RSRC1: variants seen among roughly 807,000 people sequenced by gnomAD.
RSRC1 encodes arginine and serine rich coiled-coil 1.
In RSRC1, 39 loss-of-function variants were observed where a neutral mutation model predicts 49.1. That is an observed-to-expected ratio of 0.79 (90% CI 0.61 to 1.04). The LOEUF (loss-of-function observed/expected upper bound fraction) is 1.04. Among genes scored for constraint, RSRC1 ranks in the 50% least tolerant of loss-of-function variants. The pLI is 0.00. For synonymous variants in RSRC1, 143 were observed against 130.8 expected (o/e 1.09, Z -0.63); for missense variants, 388 against 402.4 (o/e 0.96, Z 0.31).
At chr3:158,432,039 C>T (rs1019740133) in intron 6 of RSRC1, among the ~76,000 whole-genome samples, 4 of 151,858 alleles carry the variant, frequency 2.6e-5, no homozygotes, top group African/African-American at 9.7e-5. Context: ...GGTGAGTTGG[C>T]TAGATGAATT....
intron 7 of RSRC1, among the ~76,000 whole-genome samples, chr3:158,490,007 A>C (rs1455426718): frequency 2.6e-5 from 4 of 152,208 alleles, no homozygotes; most frequent in African/African-American, 9.6e-5. Flanking sequence ...GTATAACTGA[A>C]CTGGTTACAA....
intron 4 of RSRC1, among the ~76,000 whole-genome samples, chr3:158,260,966 A>C (rs1724861264): frequency 6.6e-6 from 1 of 152,178 alleles, no homozygotes; most frequent in Non-Finnish European, 1.5e-5. Context: ...TAGGTGATTC[A>C]AGATGATTTT....
chr3:158,356,294 A>G (rs1247164299), intron 6 of RSRC1, among the ~76,000 whole-genome samples: 1 of 152,206 alleles, frequency 6.6e-6, no homozygotes, highest in East Asian at 1.9e-4. Context: ...TATTTTTAGG[A>G]TTCATTGATC....
At chr3:158,164,115 A>G (rs1170557774) in intron 3 of RSRC1, among the ~76,000 whole-genome samples, 1 of 152,152 alleles carries the variant, frequency 6.6e-6, no homozygotes, top group East Asian at 1.9e-4. Flanking sequence ...TCTGTGAAGA[A>G]ACTTTCTTCT....
rs887197357 is a variant in RSRC1 at position 158,521,457 on chromosome 3, A to G, written c.653-15635A>G. ...ATTTTTCATTTGTCCAAGTTTTTCA[A>G]TGTTGCAGGGCCCTGTTTTCTTCTA... On this transcript the variant is annotated intron_variant, in intron 7 of 9. Transcript: ENST00000611884. 7.9e-5 allele frequency among the ~76,000 whole-genome samples: 12 copies of G among 152,116 alleles called. No homozygotes were observed. The East Asian group carries it at 2.1e-3, about 27-fold the overall frequency.
In RSRC1 at chr3:158,337,819, A is replaced by G. The variant is rs146674955; in HGVS notation, c.532-17038A>G. On this transcript the variant is annotated intron_variant, in intron 5 of 9. Transcript: ENST00000611884. ...AAAATCTTACCTTCCTTATACCCTC[A>G]TGAACCACTTCTCTCCAAAAATCTG... is the stretch of plus-strand genomic sequence containing the variant. Among the ~76,000 whole-genome samples, 266 of 152,294 alleles carry G rather than the reference A, an allele frequency of 1.7e-3. 1 individual carries two copies. Among genetic ancestry groups the G allele is most frequent in the Admixed American group, 3.4e-3 (52 of 15,294 alleles).
chr3:158,149,076 G>A (rs576751655), intron 3 of RSRC1, among the ~76,000 whole-genome samples: 12 of 152,240 alleles, frequency 7.9e-5, no homozygotes, highest in Non-Finnish European at 1.8e-4. Context: ...GAGCCACTGC[G>A]CCCAGTCACA....
At chr3:158,492,506 A>G (rs868509952) in intron 7 of RSRC1, among the ~76,000 whole-genome samples, 27 of 152,202 alleles carry the variant, frequency 1.8e-4, no homozygotes, top group African/African-American at 6.0e-4. Flanking sequence ...GATATAGGAA[A>G]TTGTTCTAAA....
At chr3:158,234,190 T>A (rs1723114441) in intron 4 of RSRC1, among the ~76,000 whole-genome samples, 1 of 152,198 alleles carries the variant, frequency 6.6e-6, no homozygotes, top group Admixed American at 6.5e-5. Context: ...GTATTGCAGC[T>A]GAAGCAGTTG....
chr3:158,269,912 C>T (rs1029555377), intron 4 of RSRC1, among the ~76,000 whole-genome samples: 2 of 152,030 alleles, frequency 1.3e-5, no homozygotes, highest in Non-Finnish European at 1.5e-5. Flanking sequence ...TTCTTGGCTT[C>T]TAATGTAATT....
At chr3:158,304,030 G>A (rs1727713024) in intron 5 of RSRC1, among the ~76,000 whole-genome samples, 1 of 152,142 alleles carries the variant, frequency 6.6e-6, no homozygotes, top group Non-Finnish European at 1.5e-5. Flanking sequence ...GAACTCTGGA[G>A]CCATACCTGT....
chr3:158,131,948 T>G (rs1269737227), intron 3 of RSRC1: 1 of 197,678 alleles, frequency 5.1e-6, no homozygotes, highest in African/African-American at 2.3e-5. Context: ...AAGGCCAGCA[T>G]AAATGCTATT....
chr3:158,132,829 T>A (rs1716130073), intron 3 of RSRC1, among the ~76,000 whole-genome samples: 1 of 152,240 alleles, frequency 6.6e-6, no homozygotes, highest in African/African-American at 2.4e-5. Context: ...TTTGTAATCC[T>A]TCAATTTGTC....
intron 4 of RSRC1, among the ~76,000 whole-genome samples, chr3:158,237,609 A>C (rs1723313598): frequency 6.6e-6 from 1 of 152,146 alleles, no homozygotes; most frequent in Admixed American, 6.5e-5. Flanking sequence ...CAATGTGCTC[A>C]TTGGCCATTT....
At chr3:158,403,050 C>T (rs957732533) in intron 6 of RSRC1, among the ~76,000 whole-genome samples, 1 of 151,684 alleles carries the variant, frequency 6.6e-6, no homozygotes, top group African/African-American at 2.4e-5. Context: ...TGAATAAAAC[C>T]CTCAGTTACT....
chr3:158,123,024 G>T (rs1415533221), intron 2 of RSRC1, among the ~76,000 whole-genome samples: 2 of 152,150 alleles, frequency 1.3e-5, no homozygotes, highest in African/African-American at 4.8e-5. Flanking sequence ...ATTGTGAACA[G>T]TGCTGCAACG....
intron 3 of RSRC1, among the ~76,000 whole-genome samples, chr3:158,198,022 C>A (rs1720749644): frequency 6.6e-6 from 1 of 152,088 alleles, no homozygotes; most frequent in Non-Finnish European, 1.5e-5. Flanking sequence ...TGGTGCAGAG[C>A]TGAGTTCAAT....
intron 6 of RSRC1, among the ~76,000 whole-genome samples, chr3:158,450,519 C>T (rs1169393972): frequency 2.0e-5 from 3 of 151,752 alleles, no homozygotes; most frequent in African/African-American, 7.3e-5. Context: ...ATTTGTATTG[C>T]TGGCATTTAA....
At chr3:158,152,659 C>T (rs1002419895) in intron 3 of RSRC1, among the ~76,000 whole-genome samples, 2 of 152,094 alleles carry the variant, frequency 1.3e-5, no homozygotes, top group East Asian at 1.9e-4. Flanking sequence ...GTTTCCAGTT[C>T]GTGTCTGTTG....
Sources: gnomAD v4.1 joint callset for allele counts (sites outside exome capture counted in the v4.1 genomes callset) on GRCh38, gnomAD v4.1.1 for gene constraint, MANE v1.5 for transcripts, NCBI Gene and HGNC (gene_info 2026-07-23, HGNC 2026-07-21) for gene names.